The following DDHD2 variants were observed in gnomAD, a reference collection of about 807,000 sequenced individuals.
The protein encoded by DDHD2 is DDHD domain containing 2.
In DDHD2, 62 loss-of-function variants were observed where a neutral mutation model predicts 91.2. That is an observed-to-expected ratio of 0.68 (90% CI 0.55 to 0.84). The LOEUF is 0.84. Ranked by LOEUF, DDHD2 falls within the 40% of genes least tolerant of loss-of-function variation. The pLI, the probability that DDHD2 is intolerant of heterozygous loss-of-function variation, is 0.00. For synonymous variants in DDHD2, 271 were observed against 293.9 expected (o/e 0.92, Z 0.80); for missense variants, 740 against 846.9 (o/e 0.87, Z 1.57).
At chr8:38,263,945 A>G, downstream of DDHD2, 3 of 985,422 alleles carry the variant, frequency 3.0e-6, no homozygotes, top group Non-Finnish European at 3.6e-6. Flanking sequence ...TTACTAGAAC[A>G]TGTGGCATAC....
rs777959872 is a variant in DDHD2 at position 38,252,250 on chromosome 8, T to G, written c.1580T>G (p.Phe527Cys). 6.2e-7 allele frequency: 1 copy of G among 1,614,002 alleles called. No individual in the cohort carries two copies. Among genetic ancestry groups the G allele is most frequent in the Non-Finnish European group, 8.5e-7 (1 of 1,179,986 alleles). ...GLKRIDPNYR[F>C]PTCKGFFNIY... ...AAAAGAATTGATCCCAACTACAGAT[T>G]TCCAACGTGCAAAGGTTTCTTCAAT... The change falls in exon 13 of 18, where the codon TTT becomes TGT. Residue 527 changes from phenylalanine (F) to cysteine (C), a missense_variant. Physicochemically the swap from Phe to Cys is radical, Grantham distance 205. Transcript: ENST00000397166.
intron 2 of DDHD2, 76 bp downstream of exon 2, chr8:38,233,290 A>T: frequency 8.1e-7 from 1 of 1,236,496 alleles, no homozygotes; most frequent in Non-Finnish European, 1.1e-6. Context: ...CCTTATAGTG[A>T]GTGCTATGAA....
At chr8:38,254,508 A>G (rs1806357332) in intron 16 of DDHD2, among the ~76,000 whole-genome samples, 2 of 151,778 alleles carry the variant, frequency 1.3e-5, no homozygotes, top group South Asian at 4.2e-4. Flanking sequence ...AGTCTCCCTA[A>G]TAAGTAGGAT....
At chr8:38,252,698 G>T in intron 13 of DDHD2, 24 bp from the exon 14 acceptor site, 32 of 1,420,976 alleles carry the variant, frequency 2.3e-5, no homozygotes, top group Non-Finnish European at 2.8e-5. Flanking sequence ...AGAGGTAAAT[G>T]TAGCTCTTGT....
Position 38,251,951 on chromosome 8 carries a change from A to G in DDHD2, c.1384A>G (p.Asn462Asp). The G allele has an allele frequency of 6.2e-7, 1 of 1,614,210 alleles. No individual in the cohort carries two copies. The highest frequency in any genetic ancestry group is 1.7e-5 in the Admixed American group (1 of 60,020). ...RPAPQPASGA[N>D]IPKESEFCSS... is the part of the protein sequence containing the mutation. ...AGCCCCGCAGCCTGCTTCAGGGGCAAACATCCCCAAAGAATCTGAGTTCTG... is the reference window on the plus strand; with the variant it reads ...AGCCCCGCAGCCTGCTTCAGGGGCAGACATCCCCAAAGAATCTGAGTTCTG... The change falls in exon 12 of 18, where the codon AAC becomes GAC. Residue 462 changes from asparagine to aspartate, a missense_variant. Physicochemically the swap from Asn to Asp is conservative, Grantham distance 23 (BLOSUM62 1). Around this residue, in one of 2 missense-constraint regions of DDHD2, gnomAD observed 693 missense variants for 764.2 expected, o/e 0.91. Transcript: ENST00000397166.
chr8:38,268,945 C>T lies in DDHD2; in HGVS notation n.88-2177C>T. On this transcript the variant is annotated intron_variant and non_coding_transcript_variant, in intron 1 of 1. Coordinates refer to the DDHD2 transcript ENST00000526071. ...AGGGGTTCCGGTAGAGCCACATCTC[C>T]TCCGGCTGGATGAGTCTCTGGAACG... 5 of 1,564,556 alleles carry T rather than the reference C, an allele frequency of 3.2e-6. No individual in the cohort carries two copies. The South Asian group carries it at 3.5e-5, about 11-fold the overall frequency.
chr8:38,249,902 T>A (rs1013541241), intron 11 of DDHD2, 99 bp downstream of exon 11: 3 of 722,530 alleles, frequency 4.2e-6, no homozygotes, highest in Non-Finnish European at 6.7e-6. Flanking sequence ...GCCAAGCAGT[T>A]TTTTGGTAAT....
At chr8:38,260,270 C>T (rs774692710) in intron 17 of DDHD2, 123 bp downstream of exon 17, 12 of 529,430 alleles carry the variant, frequency 2.3e-5, no homozygotes, top group Admixed American at 1.6e-4. Flanking sequence ...ATCTAGGCTG[C>T]TATTCATTTT....
chr8:38,269,157 C>T, intron 1 of DDHD2: 3 of 1,513,504 alleles, frequency 2.0e-6, no homozygotes, highest in Non-Finnish European at 2.6e-6. Flanking sequence ...AGCCGCACGC[C>T]CACTTCGGCC....
chr8:38,238,163 A>G lies in DDHD2; in HGVS notation c.576A>G (p.Arg192=). The part of the protein sequence containing the change: ...GSTPTEQGRP[R]TVKRGVENIS... ...CACCCACGGAGCAGGGTCGACCAAG[A>G]ACTGTGAAGAGAGGAGTTGAGAACA... The change falls in exon 5 of 18, where the codon AGA becomes AGG. Residue 192 remains arginine, a synonymous_variant. Transcript: ENST00000397166. The G allele has an allele frequency of 6.2e-7, 1 of 1,614,112 alleles. No homozygotes were observed.
exon 2 of DDHD2, chr8:38,271,245 A>C (rs1386560823): frequency 6.6e-6 from 1 of 152,214 alleles, no homozygotes; most frequent in Non-Finnish European, 1.5e-5. Context: ...TATTTTCAAA[A>C]CAGTTTACAA....
At chr8:38,257,457 C>T (rs997296154) in intron 16 of DDHD2, among the ~76,000 whole-genome samples, 4 of 151,466 alleles carry the variant, frequency 2.6e-5, no homozygotes, top group Non-Finnish European at 5.9e-5. Flanking sequence ...CCATGTTGGC[C>T]AGGCTGGTCT....
At chr8:38,253,216 C>A in intron 15 of DDHD2, 89 bp downstream of exon 15, 1 of 1,249,734 alleles carries the variant, frequency 8.0e-7, no homozygotes, top group Non-Finnish European at 1.1e-6. Context: ...TTTAATTTCA[C>A]ATTTAATTTC....
At chr8:38,246,179 G>A (rs1805621181) in intron 8 of DDHD2, 54 bp from the exon 9 acceptor site, 1 of 1,324,386 alleles carries the variant, frequency 7.6e-7, no homozygotes, top group Non-Finnish European at 1.1e-6. Context: ...GTATAACAGA[G>A]AGCCATTTAG....
At chr8:38,269,147 A>G (rs1563333267) in intron 1 of DDHD2, 1 of 1,517,218 alleles carries the variant, frequency 6.6e-7, no homozygotes, top group Non-Finnish European at 8.8e-7. Context: ...GAACAGCGCG[A>G]GCCGCACGCC....
downstream of DDHD2, chr8:38,264,486 G>A (rs765936001): frequency 1.3e-6 from 2 of 1,553,162 alleles, no homozygotes; most frequent in Admixed American, 2.0e-5. Context: ...TCTGTGCAGT[G>A]GAAAGTACAA....
At chr8:38,268,705 C>T in intron 1 of DDHD2, 1 of 1,432,896 alleles carries the variant, frequency 7.0e-7, no homozygotes, top group Non-Finnish European at 9.1e-7. Flanking sequence ...GAGGCTCGGA[C>T]ACCCTCCTCT....
chr8:38,242,195 G>T, intron 6 of DDHD2, 55 bp from the exon 7 acceptor site: 1 of 1,382,290 alleles, frequency 7.2e-7, no homozygotes, highest in Non-Finnish European at 9.9e-7. Context: ...GTTGCATCCA[G>T]ATTCTACAGA....
At chr8:38,232,133 A>C (rs2130725095) in intron 1 of DDHD2, 1 of 152,600 alleles carries the variant, frequency 6.6e-6, no homozygotes, top group South Asian at 2.1e-4. Context: ...GGGGCGCGCC[A>C]GGGTGGCTGA....
Sources: allele counts gnomAD v4.1 joint callset (sites outside exome capture counted in the v4.1 genomes callset), GRCh38; gene constraint gnomAD v4.1.1; regional missense constraint gnomAD v4.1.1; transcripts MANE v1.5; gene names NCBI Gene and HGNC (gene_info 2026-07-23, HGNC 2026-07-21).